Variants in PRKCA observed in about 807,000 individuals in gnomAD.
The protein encoded by PRKCA is protein kinase C alpha, also known as protein kinase C alpha type.
A neutral mutation model predicts 87.0 loss-of-function variants in PRKCA; 27 were observed. The ratio of observed to expected loss-of-function variants is 0.31; its 90% CI spans 0.23 to 0.43. PRKCA has a LOEUF of 0.43. Among genes scored for constraint, PRKCA ranks in the 20% least tolerant of loss-of-function variants. The probability of loss-of-function intolerance (pLI) is 1.00; values close to 1 mark genes in which losing one functional copy is unlikely to be tolerated. For missense variants in PRKCA, 518 were observed against 852.3 expected (o/e 0.61, Z 4.88); for synonymous variants, 329 against 311.1 (o/e 1.06, Z -0.61).
rs529868751 is a variant in PRKCA at position 66,645,582 on chromosome 17, A to C, written c.529+71A>C. 3,122 of 1,580,260 alleles carry C rather than the reference A, an allele frequency of 2.0e-3. 11 individuals carry two copies. Among genetic ancestry groups the C allele is most frequent in the Admixed American group, 3.7e-3 (216 of 58,972 alleles). ...ATGAAGGTTACACTGATATTAAGGCAGGGTGGGGGCTGGGCTGGATGCCCT... is the reference window on the plus strand; with the variant it reads ...ATGAAGGTTACACTGATATTAAGGCCGGGTGGGGGCTGGGCTGGATGCCCT... On this transcript the variant is annotated intron_variant, in intron 5 of 16. Transcript: ENST00000413366.
At chr17:66,423,177 C>T (rs971253424) in intron 2 of PRKCA, among the ~76,000 whole-genome samples, 1 of 151,956 alleles carries the variant, frequency 6.6e-6, no homozygotes, top group Non-Finnish European at 1.5e-5. Flanking sequence ...TTAGCAAAAG[C>T]GTTGGGGATT....
chr17:66,695,245 T>A (rs1972886468), intron 8 of PRKCA, among the ~76,000 whole-genome samples: 1 of 152,224 alleles, frequency 6.6e-6, no homozygotes, highest in Non-Finnish European at 1.5e-5. Context: ...ACCCCAGCCA[T>A]GGACCTGGCT....
intron 2 of PRKCA, among the ~76,000 whole-genome samples, chr17:66,435,513 A>G (rs1477566172): frequency 1.3e-5 from 2 of 152,234 alleles, no homozygotes; most frequent in Admixed American, 6.5e-5. Flanking sequence ...AAAGGTATCT[A>G]TAAGGTATCT....
At chr17:66,649,038 A>C (rs1971521216) in intron 5 of PRKCA, among the ~76,000 whole-genome samples, 1 of 151,866 alleles carries the variant, frequency 6.6e-6, no homozygotes, top group African/African-American at 2.4e-5. Context: ...TGGAGGTTGC[A>C]ATGAGCCCGA....
intron 3 of PRKCA, among the ~76,000 whole-genome samples, chr17:66,501,994 G>A (rs1271838808): frequency 1.3e-5 from 2 of 152,164 alleles, no homozygotes; most frequent in African/African-American, 2.4e-5. Flanking sequence ...TGCAGGGCTG[G>A]CTCTTTCCAG....
At chr17:66,566,821 C>A (rs1465753899) in intron 3 of PRKCA, among the ~76,000 whole-genome samples, 2 of 152,066 alleles carry the variant, frequency 1.3e-5, no homozygotes, top group African/African-American at 4.8e-5. Context: ...TGGGACACAG[C>A]CTCCGAGTAA....
At position 66,774,058 on chromosome 17, in the gene PRKCA, T is replaced by G. The variant is rs749631902; in HGVS notation, c.1596T>G (p.Leu532=). Reference sequence around the variant, plus strand: ...ATGGCGTCCTGTTGTATGAAATGCTTGCCGGGCAGGTAATGTTTTGCTACA... The same window carrying G: ...ATGGCGTCCTGTTGTATGAAATGCTGGCCGGGCAGGTAATGTTTTGCTACA... ...WAYGVLLYEM[L]AGQPPFDGED... Residue 532 remains leucine, a synonymous_variant, in exon 14 of 17, where the codon CTT becomes CTG. Coordinates refer to ENST00000413366, the MANE Select transcript of PRKCA (RefSeq NM_002737.3). 2.5e-6 allele frequency: 4 copies of G among 1,614,136 alleles called. No homozygotes were observed. In the South Asian group the frequency reaches 4.4e-5, roughly 18 times the overall value.
intron 11 of PRKCA, among the ~76,000 whole-genome samples, chr17:66,740,975 G>A (rs1156522260): frequency 6.6e-6 from 1 of 152,130 alleles, no homozygotes; most frequent in East Asian, 1.9e-4. Context: ...AGACACGTGT[G>A]CTTATTTTGA....
chr17:66,387,958 A>G (rs17634425), intron 2 of PRKCA, among the ~76,000 whole-genome samples: 14,146 of 152,214 alleles, frequency 0.093, 755 homozygotes, highest in African/African-American at 0.13. Flanking sequence ...AACTGTTCCT[A>G]TTCAAGATGT....
intron 2 of PRKCA, among the ~76,000 whole-genome samples, chr17:66,374,140 C>G (rs1056205938): frequency 3.9e-5 from 6 of 152,088 alleles, no homozygotes; most frequent in Admixed American, 6.5e-5. Context: ...CACCCTTGCT[C>G]CCTGGGCAGG....
At chr17:66,613,516 GTCCAAAAGACACCCA>G (rs1970428419) in intron 3 of PRKCA, among the ~76,000 whole-genome samples, 3 of 152,240 alleles carry the variant, frequency 2.0e-5, no homozygotes, top group Admixed American at 2.0e-4. Context: ...GAGGCTAGAA[GTCCAAAAGACACCCA>G]TCAAGGTGTC....
chr17:66,542,365 G>A (rs186023013), intron 3 of PRKCA, among the ~76,000 whole-genome samples: 196 of 152,250 alleles, frequency 1.3e-3, no homozygotes, highest in Non-Finnish European at 1.9e-3. Context: ...TTGGGAGATA[G>A]GCAGTTAGTA....
chr17:66,415,714 G>T (rs983244064), intron 2 of PRKCA: 1 of 152,114 alleles, frequency 6.6e-6, no homozygotes, highest in Non-Finnish European at 1.5e-5. Context: ...GTGCCCTGGG[G>T]TCTGTTGGTT....
intron 2 of PRKCA, among the ~76,000 whole-genome samples, chr17:66,309,283 A>G (rs1385476399): frequency 1.3e-5 from 2 of 152,152 alleles, no homozygotes; most frequent in Admixed American, 1.3e-4. Context: ...TAGTCCTTAA[A>G]ACTGGGTTTG....
rs545456304 is a variant in PRKCA at position 66,726,962 on chromosome 17, G to T, written c.919-5726G>T. Among the ~76,000 whole-genome samples the T allele has an allele frequency of 3.3e-5, 5 of 152,288 alleles. No homozygotes were observed. In the South Asian group the frequency reaches 1.0e-3, roughly 32 times the overall value. ...TGGTCTTGAACTGCTGACCTCAGGT[G>T]ATCCTCCTGCCTTGGTGTCCCAAAG... On this transcript the variant is annotated intron_variant, in intron 8 of 16. Transcript: ENST00000413366.
rs1178631280 is a variant in PRKCA, at chr17:66,306,084, T to C, written c.174-12T>C. 1.2e-6 allele frequency: 2 copies of C among 1,612,358 alleles called. No homozygotes were observed. The highest frequency in any genetic ancestry group is 1.7e-6 in the Non-Finnish European group (2 of 1,179,296). ...TATGTTAAGATATTTTGTTCTTGTT[T>C]TTGTTTTTCAGGGGGTTTGGGAAAC... On this transcript the variant is annotated splice_polypyrimidine_tract_variant and intron_variant, in intron 1 of 16. Coordinates refer to ENST00000413366, the MANE Select transcript of PRKCA (RefSeq NM_002737.3).
chr17:66,374,490 C>T (rs1399397568), intron 2 of PRKCA, among the ~76,000 whole-genome samples: 1 of 152,142 alleles, frequency 6.6e-6, no homozygotes, highest in Non-Finnish European at 1.5e-5. Context: ...ATGGCATCAG[C>T]CCAGCCTAGT....
intron 2 of PRKCA, among the ~76,000 whole-genome samples, chr17:66,492,512 A>T (rs370184782): frequency 2.6e-5 from 4 of 152,236 alleles, no homozygotes; most frequent in African/African-American, 4.8e-5. Context: ...GGTTTTTTTT[A>T]AAAAGAGATG....
At position 66,803,804 on chromosome 17, in the gene PRKCA, G is replaced by A. The variant is rs796525411; in HGVS notation, c.1855-69G>A. On this transcript the variant is annotated intron_variant, in intron 16 of 16. Transcript: ENST00000413366. This position sits in a 1 kb window ranked among gnomAD's most constrained non-coding sequence, Gnocchi z 4.4. Reference sequence around the variant, plus strand: ...AGGGCCGTGCCCCTCCCCAGAGAGGGCCCTCGGAGAGCTGCTCCCGCATTG... The same window carrying A: ...AGGGCCGTGCCCCTCCCCAGAGAGGACCCTCGGAGAGCTGCTCCCGCATTG... The A allele has an allele frequency of 3.1e-5, 49 of 1,572,016 alleles. No homozygotes were observed. In the African/African-American group the frequency reaches 3.4e-4, roughly 11 times the overall value.
Sources: gnomAD v4.1 joint callset for allele counts (sites outside exome capture counted in the v4.1 genomes callset) on GRCh38, gnomAD v4.1.1 for gene constraint, Gnocchi (gnomAD v3.1) non-coding constraint, MANE v1.5 for transcripts, NCBI Gene and HGNC (gene_info 2026-07-23, HGNC 2026-07-21) for gene names.